The following THRB variants were observed in gnomAD, a reference collection of about 807,000 sequenced individuals.
The protein encoded by THRB is nuclear receptor subfamily 1 group A member 2.
Under a neutral mutation model 47.8 loss-of-function variants are expected in THRB, and 12 were observed. That is an observed-to-expected ratio of 0.25 (90% CI 0.16 to 0.41). The LOEUF (loss-of-function observed/expected upper bound fraction) is 0.41. Ranked by LOEUF, THRB falls within the 10% of genes least tolerant of loss-of-function variation. The pLI, the probability that THRB is intolerant of heterozygous loss-of-function variation, is 1.00. For missense variants in THRB, 348 were observed against 589.2 expected (o/e 0.59, Z 4.24); for synonymous variants, 218 against 212.2 (o/e 1.03, Z -0.24).
At chr3:24,253,999 C>A (rs1054472366) in intron 3 of THRB, among the ~76,000 whole-genome samples, 1 of 148,284 alleles carries the variant, frequency 6.7e-6, no homozygotes, top group Non-Finnish European at 1.5e-5. Context: ...TCATTTTGAA[C>A]TGAAATCTTG....
At chr3:24,229,906 G>T (rs759250983) in intron 3 of THRB, among the ~76,000 whole-genome samples, 2 of 152,190 alleles carry the variant, frequency 1.3e-5, no homozygotes, top group Non-Finnish European at 2.9e-5. Context: ...CTAGCTGTGG[G>T]ATCAGAGGAA....
chr3:24,454,445 C>G (rs62228827), intron 1 of THRB, among the ~76,000 whole-genome samples: 28 of 152,226 alleles, frequency 1.8e-4, no homozygotes, highest in East Asian at 1.9e-4. Context: ...GTGGTGATAG[C>G]TGCAAACTGA....
At position 24,146,706 on chromosome 3, in the gene THRB, C is replaced by G. The variant is rs776089338; in HGVS notation, c.501G>C (p.Lys167Asn). 1.2e-6 allele frequency: 2 copies of G among 1,614,206 alleles called. No homozygotes were observed. Among genetic ancestry groups the G allele is most frequent in the Non-Finnish European group, 1.7e-6 (2 of 1,180,018 alleles). ...TTGCCATGCCAACATAGATGCATTT[C>G]TTAAAGCGACATTCCTGGCACTGAT... is the stretch of plus-strand genomic sequence containing the variant. ...TRNQCQECRF[K>N]KCIYVGMATD... Residue 167 changes from lysine to asparagine, a missense_variant, in exon 7 of 11, where the codon AAG becomes AAC. Lys to Asn is a moderately conservative substitution (Grantham distance 94). This residue lies in a region of THRB where 112 missense variants were observed against 212.3 expected (regional missense o/e 0.53). Coordinates refer to ENST00000646209, the MANE Select transcript of THRB (RefSeq NM_001354712.2).
At chr3:24,411,930 G>C (rs1034898020) in intron 1 of THRB, among the ~76,000 whole-genome samples, 5 of 151,750 alleles carry the variant, frequency 3.3e-5, no homozygotes, top group Admixed American at 2.0e-4. Context: ...GTGGCTGAGG[G>C]AGAAAGAAAT....
chr3:24,203,996 C>T (rs576254319), intron 4 of THRB, among the ~76,000 whole-genome samples: 1 of 152,378 alleles, frequency 6.6e-6, no homozygotes, highest in African/African-American at 2.4e-5. Context: ...AGTAGGTAAA[C>T]AAAGCAGCCG....
rs566623910 is a variant in THRB at position 24,290,836 on chromosome 3, G to A, written c.-43+6390C>T. On this transcript the variant is annotated intron_variant, in intron 3 of 10. Coordinates refer to ENST00000646209, the MANE Select transcript of THRB (RefSeq NM_001354712.2). ...CTAATATTTTTCTATGCTCTGCCAGGCATGAAATAAAATACCTTAAAATAA... is the reference window on the plus strand; with the variant it reads ...CTAATATTTTTCTATGCTCTGCCAGACATGAAATAAAATACCTTAAAATAA... Among the ~76,000 whole-genome samples, 3 of 152,242 alleles carry A rather than the reference G, an allele frequency of 2.0e-5. No individual in the cohort carries two copies. In the South Asian group the frequency reaches 6.2e-4, roughly 32 times the overall value.
At chr3:24,163,381 AC>A (rs1354648091) in intron 5 of THRB, among the ~76,000 whole-genome samples, 1 of 152,096 alleles carries the variant, frequency 6.6e-6, no homozygotes, top group Admixed American at 6.6e-5. Flanking sequence ...TTAATAAAGA[AC>A]CCCTGGTTTA....
chr3:24,184,549 C>T (rs765076506), intron 5 of THRB, among the ~76,000 whole-genome samples: 3 of 152,148 alleles, frequency 2.0e-5, no homozygotes, highest in Non-Finnish European at 2.9e-5. Flanking sequence ...CCTCCAATCT[C>T]GTGAGTAGCT....
chr3:24,231,801 C>T (rs1006436895), intron 3 of THRB, among the ~76,000 whole-genome samples: 1 of 152,084 alleles, frequency 6.6e-6, no homozygotes, highest in African/African-American at 2.4e-5. Context: ...CTTTCCACAG[C>T]CTTGGCAGAG....
At chr3:24,283,552 C>T (rs1425443224) in intron 3 of THRB, among the ~76,000 whole-genome samples, 2 of 150,184 alleles carry the variant, frequency 1.3e-5, no homozygotes, top group African/African-American at 5.0e-5. Flanking sequence ...CTCACCACTC[C>T]TATTCGACAT....
intron 1 of THRB, among the ~76,000 whole-genome samples, chr3:24,392,970 G>A (rs1435155712): frequency 6.6e-6 from 1 of 152,056 alleles, no homozygotes; most frequent in African/African-American, 2.4e-5. Context: ...AAAAATAAAT[G>A]CTATTGAATT....
chr3:24,262,904 G>A (rs1214327772), intron 3 of THRB, among the ~76,000 whole-genome samples: 3 of 151,876 alleles, frequency 2.0e-5, no homozygotes, highest in Non-Finnish European at 2.9e-5. Context: ...ATGGTGCTGG[G>A]CACACAGCAG....
At chr3:24,258,666 G>A (rs980012867) in intron 3 of THRB, among the ~76,000 whole-genome samples, 3 of 152,212 alleles carry the variant, frequency 2.0e-5, no homozygotes, top group East Asian at 1.9e-4. Context: ...GGATCTGTGC[G>A]GGCACATCAT....
At chr3:24,468,817 T>A (rs1164821676) in intron 1 of THRB, among the ~76,000 whole-genome samples, 1 of 152,252 alleles carries the variant, frequency 6.6e-6, no homozygotes, top group Non-Finnish European at 1.5e-5. Context: ...AGTGAGCATA[T>A]GCTATTAGAA....
chr3:24,328,114 T>C (rs1192243130), intron 2 of THRB, among the ~76,000 whole-genome samples: 1 of 152,168 alleles, frequency 6.6e-6, no homozygotes, highest in East Asian at 1.9e-4. Flanking sequence ...TTCTAGTTTG[T>C]TAAGATTAAA....
intron 3 of THRB, among the ~76,000 whole-genome samples, chr3:24,290,753 T>C (rs975440582): frequency 5.3e-5 from 8 of 152,344 alleles, no homozygotes; most frequent in East Asian, 3.9e-4. Context: ...TGCATAGTAA[T>C]GACTAACCTT....
intron 1 of THRB, among the ~76,000 whole-genome samples, chr3:24,385,585 G>A (rs2066037088): frequency 6.6e-6 from 1 of 152,050 alleles, no homozygotes; most frequent in Admixed American, 6.6e-5. Context: ...TTGTAAACAT[G>A]GATCCTACAA....
At chr3:24,334,635 C>T (rs1267608853) in intron 2 of THRB, among the ~76,000 whole-genome samples, 1 of 152,196 alleles carries the variant, frequency 6.6e-6, no homozygotes, top group African/African-American at 2.4e-5. Flanking sequence ...TGCTCAGCGC[C>T]TCCAGAGGGC....
rs2047130476 is a variant in THRB, at chr3:24,221,250, T to C, written c.22+7688A>G. 2.0e-5 allele frequency among the ~76,000 whole-genome samples: 3 copies of C among 152,182 alleles called. No individual in the cohort carries two copies. The South Asian group carries it at 6.2e-4, about 32-fold the overall frequency. On this transcript the variant is annotated intron_variant, in intron 4 of 10. Coordinates refer to ENST00000646209, the MANE Select transcript of THRB (RefSeq NM_001354712.2). ...CACCATATAGTCATTAGAAACCAAATTCTGGTTGGGAAAATTGTTTTCTTT... is the reference window on the plus strand; with the variant it reads ...CACCATATAGTCATTAGAAACCAAACTCTGGTTGGGAAAATTGTTTTCTTT...
Sources: gnomAD v4.1 joint callset for allele counts (sites outside exome capture counted in the v4.1 genomes callset) on GRCh38, gnomAD v4.1.1 for gene constraint, gnomAD v4.1.1 regional missense constraint, MANE v1.5 for transcripts, NCBI Gene and HGNC (gene_info 2026-07-23, HGNC 2026-07-21) for gene names.